Variants in CDH4 observed in about 807,000 individuals in gnomAD.
CDH4 encodes the protein cadherin 4, also known as cadherin-4.
In CDH4, 33 loss-of-function variants were observed where a neutral mutation model predicts 86.0. The ratio of observed to expected loss-of-function variants is 0.38; its 90% CI spans 0.29 to 0.51. CDH4 has a LOEUF of 0.51. Among genes scored for constraint, CDH4 ranks in the 20% least tolerant of loss-of-function variants. The probability of loss-of-function intolerance (pLI) is 0.86; values close to 1 mark genes in which losing one functional copy is unlikely to be tolerated. For synonymous variants in CDH4, 555 were observed against 549.4 expected (o/e 1.01, Z -0.14); for missense variants, 1,114 against 1,307.4 (o/e 0.85, Z 2.28).
chr20:61,893,938 T>C (rs1376272831), intron 7 of CDH4, among the ~76,000 whole-genome samples: 2 of 152,126 alleles, frequency 1.3e-5, no homozygotes, highest in East Asian at 3.9e-4. Flanking sequence ...AGCCAGTTTA[T>C]GGAACTTGAG....
In CDH4 at chr20:61,685,409, G is replaced by A. The variant is rs144740302; in HGVS notation, c.170-58154G>A. The stretch of plus-strand genomic sequence containing the variant: ...GGCTCATGACAGGGGTTGAGCAAGT[G>A]CTCTGTGTACCAAGCCATTCTTGCT... On this transcript the variant is annotated intron_variant, in intron 2 of 15. Coordinates refer to ENST00000614565, the MANE Select transcript of CDH4 (RefSeq NM_001794.5). Among the ~76,000 whole-genome samples the A allele has an allele frequency of 3.1e-3, 469 of 152,318 alleles. 3 individuals carry two copies. Among genetic ancestry groups the A allele is most frequent in the African/African-American group, 0.011 (440 of 41,572 alleles).
rs560136682 is a variant in CDH4 at position 61,714,086 on chromosome 20, G to A, written c.170-29477G>A. Among the ~76,000 whole-genome samples the A allele has an allele frequency of 1.0e-4, 14 of 135,382 alleles. No homozygotes were observed. The South Asian group carries it at 1.7e-3, about 17-fold the overall frequency. 88.8% of individuals were successfully genotyped at this position (135,382 alleles called of 152,430 possible). The stretch of plus-strand genomic sequence containing the variant: ...ATTTGAGATGGAGTCTCACTCTGTC[G>A]CCCAGGCTGGAGTGCAGTGGCGTGA... On this transcript the variant is annotated intron_variant, in intron 2 of 15. Transcript: ENST00000614565.
chr20:61,727,358 CCAT>C (rs1334831861), intron 2 of CDH4, among the ~76,000 whole-genome samples: 5 of 146,836 alleles, frequency 3.4e-5, no homozygotes, highest in African/African-American at 1.4e-4. Context: ...ACCATTGGTA[CCAT>C]CATCATCAGT....
chr20:61,864,253 G>C (rs1273411150), intron 6 of CDH4, among the ~76,000 whole-genome samples: 1 of 152,190 alleles, frequency 6.6e-6, no homozygotes, highest in African/African-American at 2.4e-5. Flanking sequence ...TGCTGGTGCT[G>C]CCTCCTGGCC....
rs1419074818 is a variant in CDH4 at position 61,703,330 on chromosome 20, C to A, written c.170-40233C>A. ...AGTTTAAGGAGACGGGCAGTACACA[C>A]CACGAGTGTCATGGAGAAAATAGGC... is the stretch of plus-strand genomic sequence containing the variant. On this transcript the variant is annotated intron_variant, in intron 2 of 15. Coordinates refer to ENST00000614565, the MANE Select transcript of CDH4 (RefSeq NM_001794.5). This position sits in a 1 kb window ranked among gnomAD's most constrained non-coding sequence, Gnocchi z 4.3. Among the ~76,000 whole-genome samples, 4 of 152,184 alleles carry A rather than the reference C, an allele frequency of 2.6e-5. No homozygotes were observed. The highest frequency in any genetic ancestry group is 5.9e-5 in the Non-Finnish European group (4 of 68,032).
At chr20:61,378,180 C>A (rs545104056) in intron 2 of CDH4, among the ~76,000 whole-genome samples, 1 of 152,104 alleles carries the variant, frequency 6.6e-6, no homozygotes, top group Non-Finnish European at 1.5e-5. Flanking sequence ...CTTGAGCCCA[C>A]GAGGTTGAGT....
In CDH4 at chr20:61,803,651, C is replaced by T. The variant is rs370864751; in HGVS notation, c.576+30469C>T. 2.0e-4 allele frequency among the ~76,000 whole-genome samples: 30 copies of T among 152,310 alleles called. No individual in the cohort carries two copies. In the East Asian group the frequency reaches 5.6e-3, roughly 28 times the overall value. On this transcript the variant is annotated intron_variant, in intron 4 of 15. Transcript: ENST00000614565. ...AGGCTGCGGGATTCCAGTTACTCTG[C>T]ATGGCCAGGATAAGGGGGCGCCCAG...
chr20:61,749,890 G>A (rs1171965441), intron 3 of CDH4, among the ~76,000 whole-genome samples: 4 of 152,160 alleles, frequency 2.6e-5, no homozygotes, highest in African/African-American at 9.7e-5. Context: ...GTGAAACCCT[G>A]TCTCTACTAA....
intron 2 of CDH4, among the ~76,000 whole-genome samples, chr20:61,565,095 G>GTGGTGGTGGTGC (rs1568688020): frequency 2.3e-5 from 3 of 127,942 alleles, no homozygotes; most frequent in African/African-American, 1.0e-4. Flanking sequence ...GGTGCTCTTG[G>GTGGTGGTGGTGC]TGGTGCTCTT....
At chr20:61,648,272 T>C (rs55861489) in intron 2 of CDH4, among the ~76,000 whole-genome samples, 1 of 152,038 alleles carries the variant, frequency 6.6e-6, no homozygotes, top group Admixed American at 6.5e-5. Flanking sequence ...GGGCTTTCAG[T>C]AGGGAGGAAG....
chr20:61,534,665 C>CTTTCTTTTTTTTTTT (rs1192776046), intron 2 of CDH4, among the ~76,000 whole-genome samples: 1 of 76,066 alleles, frequency 1.3e-5, no homozygotes, highest in African/African-American at 1.1e-4. Context: ...TTCTTTCTTT[C>CTTTCTTTTTTTTTTT]TTTTTTTTTT....
intron 6 of CDH4, among the ~76,000 whole-genome samples, chr20:61,872,947 C>A (rs992394845): frequency 6.6e-6 from 1 of 152,092 alleles, no homozygotes; most frequent in Non-Finnish European, 1.5e-5. Context: ...CAGGGTGGGG[C>A]GTGCTGATGC....
At position 61,924,508 on chromosome 20, in the gene CDH4, G is replaced by A. The variant is rs563591748; in HGVS notation, c.1771+32G>A. ...CCCACCCCAGGGAGGCAGCCGTCTC[G>A]GTGGCCTTCCCGTGTCCTGGGTTCT... On this transcript the variant is annotated intron_variant, in intron 11 of 15. Coordinates refer to ENST00000614565, the MANE Select transcript of CDH4 (RefSeq NM_001794.5). 1.9e-5 allele frequency: 31 copies of A among 1,601,068 alleles called. No homozygotes were observed. In the African/African-American group the frequency reaches 3.1e-4, roughly 16 times the overall value.
chr20:61,477,119 G>A lies in CDH4; in HGVS notation c.169+222182G>A, dbSNP rs537712852. ...ATGCAGCCTGAGGCCAAGAGATGGG[G>A]AGAGATGCCTGGTCCCTGCCTCCCC... On this transcript the variant is annotated intron_variant, in intron 2 of 15. Transcript: ENST00000614565. Among the ~76,000 whole-genome samples the A allele has an allele frequency of 6.6e-5, 10 of 152,344 alleles. No individual in the cohort carries two copies. In the East Asian group the frequency reaches 1.9e-3, roughly 29 times the overall value.
At chr20:61,583,342 G>A (rs569982796) in intron 2 of CDH4, among the ~76,000 whole-genome samples, 1 of 152,002 alleles carries the variant, frequency 6.6e-6, no homozygotes, top group South Asian at 2.1e-4. Context: ...GCAAGAGGTG[G>A]CCAGGTGGCC....
intron 13 of CDH4, among the ~76,000 whole-genome samples, chr20:61,931,995 C>T (rs1229509909): frequency 6.6e-6 from 1 of 152,106 alleles, no homozygotes; most frequent in East Asian, 1.9e-4. Flanking sequence ...CTGGACTGAC[C>T]CCACCCCAGG....
intron 2 of CDH4, among the ~76,000 whole-genome samples, chr20:61,557,332 C>T (rs1422468259): frequency 6.6e-6 from 1 of 152,222 alleles, no homozygotes; most frequent in East Asian, 1.9e-4. Flanking sequence ...CAGGAATATT[C>T]GCACAACCCA....
rs369039825 is a variant in CDH4, at chr20:61,743,745, C to T, written c.352C>T (p.Arg118Trp). The T allele has an allele frequency of 3.0e-5, 49 of 1,609,884 alleles. No homozygotes were observed. Among genetic ancestry groups the T allele is most frequent in the Middle Eastern group, 1.7e-4 (1 of 6,058 alleles). ...AGCAGAGAAATGGGACGCCGTGGTG[C>T]GGTTGCTGGTGGCCCAGACCTCGTC... Reference protein sequence around the residue: ...QTAEKWDAVVRLLVAQTSSPH... With the variant: ...QTAEKWDAVVWLLVAQTSSPH... Residue 118 changes from arginine to tryptophan, a missense_variant, in exon 3 of 16, where the codon CGG becomes TGG. Physicochemically the swap from Arg to Trp is moderately radical, Grantham distance 101. Transcript: ENST00000614565.
chr20:61,366,863 T>G (rs983746681), intron 2 of CDH4, among the ~76,000 whole-genome samples: 47 of 152,336 alleles, frequency 3.1e-4, no homozygotes, highest in African/African-American at 1.1e-3. Flanking sequence ...GGCCAGATTT[T>G]GGGGGGCTTG....
Sources: allele counts gnomAD v4.1 joint callset (sites outside exome capture counted in the v4.1 genomes callset), GRCh38; gene constraint gnomAD v4.1.1; non-coding constraint Gnocchi (gnomAD v3.1); transcripts MANE v1.5; gene names NCBI Gene and HGNC (gene_info 2026-07-23, HGNC 2026-07-21).